MAGI1: variants seen among roughly 807,000 people sequenced by gnomAD.
MAGI1 encodes membrane-associated guanylate kinase, WW and PDZ domain-containing protein 1.
In MAGI1, 58 loss-of-function variants were observed where a neutral mutation model predicts 139.9. The ratio of observed to expected loss-of-function variants is 0.41; its 90% CI spans 0.34 to 0.52. MAGI1 has a LOEUF of 0.52. MAGI1 is among the 20% of genes least tolerant of loss of function. The pLI is 0.12. For missense variants in MAGI1, 1,874 were observed against 1,901.6 expected, an observed-to-expected ratio of 0.99 and a Z score of 0.27; for synonymous variants, 812 against 737.9, an observed-to-expected ratio of 1.10 and a Z score of -1.63.
chr3:65,622,130 G>A, intron 1 of MAGI1, 42 bp from the exon 2 acceptor site: 1 of 1,370,614 alleles, frequency 7.3e-7, no homozygotes, highest in Non-Finnish European at 1.0e-6. Flanking sequence ...ATCAACACAG[G>A]GCCTCCTAGA....
At chr3:65,818,384 A>T (rs1254569231) in intron 1 of MAGI1, among the ~76,000 whole-genome samples, 1 of 152,194 alleles carries the variant, frequency 6.6e-6, no homozygotes, top group Non-Finnish European at 1.5e-5. Flanking sequence ...CAGCATCTAG[A>T]TTTACAGCTG....
At chr3:65,669,638 T>C (rs2086735114) in intron 1 of MAGI1, among the ~76,000 whole-genome samples, 1 of 152,220 alleles carries the variant, frequency 6.6e-6, no homozygotes, top group African/African-American at 2.4e-5. Context: ...ATTCTACTGA[T>C]AAAGCCATGT....
At chr3:65,582,766 T>G (rs1676290008) in intron 2 of MAGI1, among the ~76,000 whole-genome samples, 1 of 152,218 alleles carries the variant, frequency 6.6e-6, no homozygotes, top group Non-Finnish European at 1.5e-5. Context: ...CACCTCTGAC[T>G]GGCCATGACT....
At chr3:65,637,739 G>C (rs897451182) in intron 1 of MAGI1, among the ~76,000 whole-genome samples, 1 of 152,140 alleles carries the variant, frequency 6.6e-6, no homozygotes, top group Non-Finnish European at 1.5e-5. Flanking sequence ...GCACGGTTTA[G>C]GGCTGGGAAC....
At chr3:65,770,951 A>G (rs1039986769) in intron 1 of MAGI1, among the ~76,000 whole-genome samples, 1 of 151,750 alleles carries the variant, frequency 6.6e-6, no homozygotes, top group African/African-American at 2.4e-5. Context: ...TCGGCCTCCC[A>G]AAGTGCTGGG....
rs2107542477 is a variant in MAGI1, at chr3:65,687,406, T to C, written c.314-65318A>G. 3 of 356,280 alleles carry C rather than the reference T, an allele frequency of 8.4e-6. No individual in the cohort carries two copies. The South Asian group carries it at 8.6e-5, about 10-fold the overall frequency. The allele number at this position is 356,280 out of a possible 1,614,324, so 22.1% of individuals were successfully genotyped here. ...TACCACATATCCCGTTTGATTTCTA[T>C]TTGTGTGAAATGGCCCTCCCCTGGG... On this transcript the variant is annotated intron_variant, in intron 1 of 22. Transcript: ENST00000402939.
At chr3:65,656,258 C>T (rs1007367910) in intron 1 of MAGI1, among the ~76,000 whole-genome samples, 5 of 152,068 alleles carry the variant, frequency 3.3e-5, no homozygotes, top group Admixed American at 3.3e-4. Context: ...AACTTGCATC[C>T]ATCTCAAAGC....
chr3:65,425,135 A>AAAAAAAAAAAAAAAAAAAAC lies in MAGI1; in HGVS notation c.2167+4384_2167+4385insGTTTTTTTTTTTTTTTTTTT, dbSNP rs1559543283. ...AAAAAAAAAAAAAAAAAAAAAAACAAAAAAAAACACACATGCCTAAACATC... is the reference window on the plus strand; with the variant it reads ...AAAAAAAAAAAAAAAAAAAAAAACAAAAAAAAAAAAAAAAAAAAACAAAAAAACACACATGCCTAAACATC... On this transcript the variant is annotated intron_variant, in intron 12 of 22. Transcript: ENST00000402939. Among the ~76,000 whole-genome samples the AAAAAAAAAAAAAAAAAAAAC allele has an allele frequency of 5.7e-5, 5 of 87,732 alleles. 1 individual carries two copies. The highest frequency in any genetic ancestry group is 1.1e-4 in the Non-Finnish European group (5 of 44,314). 57.6% of individuals were successfully genotyped at this position (87,732 alleles called of 152,430 possible).
chr3:66,002,502 T>C (rs1197457599), intron 1 of MAGI1, among the ~76,000 whole-genome samples: 2 of 152,092 alleles, frequency 1.3e-5, no homozygotes, highest in African/African-American at 2.4e-5. Context: ...CTGTCCCACA[T>C]AGACTATTTT....
chr3:65,436,130 T>C (rs968396424), intron 10 of MAGI1, among the ~76,000 whole-genome samples: 1 of 152,182 alleles, frequency 6.6e-6, no homozygotes, highest in Non-Finnish European at 1.5e-5. Flanking sequence ...TTGATACTAA[T>C]TCTAATCTAG....
intron 1 of MAGI1, among the ~76,000 whole-genome samples, chr3:65,790,951 T>G (rs1350367261): frequency 6.6e-6 from 1 of 152,196 alleles, no homozygotes; most frequent in East Asian, 1.9e-4. Flanking sequence ...GGCATGCGCC[T>G]GTAATCCCAG....
chr3:65,523,797 A>G (rs2078266163), intron 2 of MAGI1, among the ~76,000 whole-genome samples: 2 of 152,358 alleles, frequency 1.3e-5, no homozygotes, highest in South Asian at 4.1e-4. Context: ...AACAGTAATT[A>G]GCCTTAGGGG....
intron 11 of MAGI1, 95 bp downstream of exon 11, chr3:65,430,604 G>T: frequency 7.5e-7 from 1 of 1,341,166 alleles, no homozygotes; most frequent in Non-Finnish European, 1.0e-6. Context: ...ACGTTGCTTG[G>T]TCTTGCTCAA....
intron 5 of MAGI1, among the ~76,000 whole-genome samples, chr3:65,467,896 C>T (rs1011376101): frequency 6.6e-6 from 1 of 152,076 alleles, no homozygotes; most frequent in African/African-American, 2.4e-5. Flanking sequence ...TGGTTGGTAT[C>T]CATTTTTATA....
chr3:65,781,013 T>C (rs549690614), intron 1 of MAGI1, among the ~76,000 whole-genome samples: 2 of 152,244 alleles, frequency 1.3e-5, no homozygotes, highest in South Asian at 2.1e-4. Flanking sequence ...CTGGCCAACA[T>C]AGTGAAACCC....
chr3:65,578,365 A>G (rs1015750270), intron 2 of MAGI1, among the ~76,000 whole-genome samples: 4 of 152,166 alleles, frequency 2.6e-5, no homozygotes, highest in Admixed American at 6.5e-5. Context: ...GAAGAAAGGG[A>G]AAAAAAAGAG....
chr3:65,765,124 T>TC (rs372473893), intron 1 of MAGI1, among the ~76,000 whole-genome samples: 157 of 152,322 alleles, frequency 1.0e-3, no homozygotes, highest in African/African-American at 3.4e-3. Flanking sequence ...TAACATGGTG[T>TC]CCTCAGTGCT....
intron 4 of MAGI1, among the ~76,000 whole-genome samples, chr3:65,475,244 C>T (rs1950822513): frequency 6.6e-6 from 1 of 151,900 alleles, no homozygotes; most frequent in South Asian, 2.1e-4. Context: ...GATGGAGTTT[C>T]ACTCTGTCAC....
intron 1 of MAGI1, among the ~76,000 whole-genome samples, chr3:65,951,016 GA>G (rs2063824063): frequency 3.1e-5 from 4 of 127,596 alleles, no homozygotes; most frequent in African/African-American, 1.1e-4. Context: ...AGGAAGGAAG[GA>G]AGGAAGGAAG....
Sources: gnomAD v4.1 joint callset for allele counts (sites outside exome capture counted in the v4.1 genomes callset) on GRCh38, gnomAD v4.1.1 for gene constraint, MANE v1.5 for transcripts, NCBI Gene and HGNC (gene_info 2026-07-23, HGNC 2026-07-21) for gene names.